Variants in NR3C2 observed in about 807,000 individuals in gnomAD.
NR3C2 encodes the protein mineralocorticoid receptor.
Under a neutral mutation model 86.4 loss-of-function variants are expected in NR3C2, and 15 were observed. That is an observed-to-expected ratio of 0.17 (90% CI 0.12 to 0.27). The LOEUF (loss-of-function observed/expected upper bound fraction) is 0.27, where lower values mean the gene tolerates loss of function less well. Ranked by LOEUF, NR3C2 falls within the 10% of genes least tolerant of loss-of-function variation. The probability of loss-of-function intolerance (pLI) is 1.00; values close to 1 mark genes in which losing one functional copy is unlikely to be tolerated. For missense variants in NR3C2, 960 were observed against 1,195.6 expected (o/e 0.80, Z 2.91); for synonymous variants, 458 against 450.5 (o/e 1.02, Z -0.21).
At chr4:148,356,624 C>T (rs577300535) in intron 2 of NR3C2, among the ~76,000 whole-genome samples, 34 of 152,222 alleles carry the variant, frequency 2.2e-4, no homozygotes, top group Non-Finnish European at 3.8e-4. Flanking sequence ...AATTATTTTT[C>T]ACAATCAAAA....
intron 6 of NR3C2, among the ~76,000 whole-genome samples, chr4:148,130,067 C>T (rs1057048045): frequency 1.3e-5 from 2 of 152,044 alleles, no homozygotes; most frequent in Admixed American, 6.5e-5. Context: ...TTTACCGTAT[C>T]TGTGTTTTTA....
At chr4:148,153,267 C>A (rs1734189063) in intron 5 of NR3C2, among the ~76,000 whole-genome samples, 1 of 152,124 alleles carries the variant, frequency 6.6e-6, no homozygotes, top group South Asian at 2.1e-4. Flanking sequence ...CTCACTGCAT[C>A]CCAGGTTTCA....
At chr4:148,427,197 T>G (rs1749586487) in intron 2 of NR3C2, among the ~76,000 whole-genome samples, 1 of 152,050 alleles carries the variant, frequency 6.6e-6, no homozygotes, top group Non-Finnish European at 1.5e-5. Flanking sequence ...TCAAGTGATG[T>G]GCCTACCTTG....
At chr4:148,363,535 G>A (rs1269869178) in intron 2 of NR3C2, among the ~76,000 whole-genome samples, 1 of 62,588 alleles carries the variant, frequency 1.6e-5, no homozygotes, top group Non-Finnish European at 3.6e-5. Context: ...ACGGAGTGTC[G>A]CTCTTTGGCC....
chr4:148,362,975 C>T lies in NR3C2; in HGVS notation c.1757+72129G>A, dbSNP rs186857300. On this transcript the variant is annotated intron_variant, in intron 2 of 8. Transcript: ENST00000358102. ...CTCTTTCTCCCATACTACACAACTACAACGGGATGCGGTTGAAAAGTGGTT... is the reference window on the plus strand; with the variant it reads ...CTCTTTCTCCCATACTACACAACTATAACGGGATGCGGTTGAAAAGTGGTT... 3.5e-3 allele frequency among the ~76,000 whole-genome samples: 529 copies of T among 152,288 alleles called. 1 individual carries two copies. The highest frequency in any genetic ancestry group is 0.014 in the Middle Eastern group (4 of 294).
intron 4 of NR3C2, among the ~76,000 whole-genome samples, chr4:148,173,510 C>T (rs1311403737): frequency 6.6e-6 from 1 of 152,172 alleles, no homozygotes; most frequent in Non-Finnish European, 1.5e-5. Flanking sequence ...AGCCTCCAGA[C>T]ACTGGAAAGG....
intron 8 of NR3C2, 90 bp from the exon 9 acceptor site, chr4:148,081,589 A>G (rs1730563130): frequency 6.3e-7 from 1 of 1,578,946 alleles, no homozygotes. Flanking sequence ...AACTCAAATG[A>G]CAACATTTAG....
intron 2 of NR3C2, among the ~76,000 whole-genome samples, chr4:148,405,309 A>G (rs753668098): frequency 2.1e-4 from 32 of 152,200 alleles, no homozygotes; most frequent in Non-Finnish European, 4.4e-4. Context: ...TATTTTGCCA[A>G]CTATGCAGAT....
intron 6 of NR3C2, among the ~76,000 whole-genome samples, chr4:148,143,475 T>C (rs1381055278): frequency 6.6e-6 from 1 of 152,196 alleles, no homozygotes; most frequent in Non-Finnish European, 1.5e-5. Context: ...GTAAGCCCCA[T>C]GAAGGGAGGG....
chr4:148,418,851 A>G (rs911536275), intron 2 of NR3C2, among the ~76,000 whole-genome samples: 2 of 152,230 alleles, frequency 1.3e-5, no homozygotes, highest in African/African-American at 4.8e-5. Context: ...AACTTGCTCA[A>G]GGCCATATGA....
chr4:148,093,949 G>T (rs1202023034), intron 8 of NR3C2, among the ~76,000 whole-genome samples: 5 of 152,106 alleles, frequency 3.3e-5, no homozygotes, highest in African/African-American at 2.4e-5. Context: ...TATCTGAAAA[G>T]AGGTTAATAT....
chr4:148,358,128 C>A (rs1319782377), intron 2 of NR3C2, among the ~76,000 whole-genome samples: 1 of 152,104 alleles, frequency 6.6e-6, no homozygotes, highest in African/African-American at 2.4e-5. Flanking sequence ...TGGGTATATA[C>A]CCAAAGGACT....
At chr4:148,223,048 G>C (rs1262839276) in intron 3 of NR3C2, among the ~76,000 whole-genome samples, 1 of 152,146 alleles carries the variant, frequency 6.6e-6, no homozygotes, top group African/African-American at 2.4e-5. Context: ...TGGAAACAAT[G>C]TAAACTATAA....
intron 4 of NR3C2, among the ~76,000 whole-genome samples, chr4:148,191,027 T>C (rs576087067): frequency 6.6e-6 from 1 of 152,342 alleles, no homozygotes; most frequent in African/African-American, 2.4e-5. Flanking sequence ...CTTTGTTGCC[T>C]GTGTACTTTG....
At position 148,321,601 on chromosome 4, in the gene NR3C2, C is replaced by G. The variant is rs913899833; in HGVS notation, c.1758-61484G>C. The stretch of plus-strand genomic sequence containing the variant: ...TATATATTTAGGATAGTTAGCTCTT[C>G]TTGTTGAATTGATCCTTTTACCATT... On this transcript the variant is annotated intron_variant, in intron 2 of 8. Transcript: ENST00000358102. 3.9e-5 allele frequency among the ~76,000 whole-genome samples: 6 copies of G among 152,242 alleles called. No individual in the cohort carries two copies. The South Asian group carries it at 1.0e-3, about 26-fold the overall frequency.
upstream of NR3C2, chr4:148,443,058 C>T (rs1349062666): frequency 2.5e-6 from 2 of 804,848 alleles, no homozygotes; most frequent in African/African-American, 1.9e-5. Flanking sequence ...CCTCTCCCAG[C>T]CCCTTTCCAC....
chr4:148,352,088 A>T (rs949772190), intron 2 of NR3C2, among the ~76,000 whole-genome samples: 1 of 152,164 alleles, frequency 6.6e-6, no homozygotes, highest in Non-Finnish European at 1.5e-5. Flanking sequence ...CTGATAGAGA[A>T]ATCAGATCTG....
chr4:148,269,757 C>T lies in NR3C2; in HGVS notation c.1758-9640G>A, dbSNP rs551636224. On this transcript the variant is annotated intron_variant, in intron 2 of 8. Transcript: ENST00000358102. ...ATACTTATATTTATTATAAGTTATTCGGAATCCTCAGGGAAGGAATCATGA... is the reference window on the plus strand; with the variant it reads ...ATACTTATATTTATTATAAGTTATTTGGAATCCTCAGGGAAGGAATCATGA... Among the ~76,000 whole-genome samples the T allele has an allele frequency of 2.8e-4, 42 of 152,248 alleles. No homozygotes were observed. In the East Asian group the frequency reaches 5.4e-3, roughly 20 times the overall value.
chr4:148,374,466 G>T (rs1294074266), intron 2 of NR3C2, among the ~76,000 whole-genome samples: 1 of 152,106 alleles, frequency 6.6e-6, no homozygotes, highest in Non-Finnish European at 1.5e-5. Flanking sequence ...TTCAATGAAG[G>T]CCAGGGTAAG....
Sources: gnomAD v4.1 joint callset for allele counts (sites outside exome capture counted in the v4.1 genomes callset) on GRCh38, gnomAD v4.1.1 for gene constraint, MANE v1.5 for transcripts, NCBI Gene and HGNC (gene_info 2026-07-23, HGNC 2026-07-21) for gene names.